The following NFIA variants were observed in gnomAD, a reference collection of about 807,000 sequenced individuals.
NFIA encodes the protein nuclear factor I A.
A neutral mutation model predicts 62.8 loss-of-function variants in NFIA; 8 were observed. The ratio of observed to expected loss-of-function variants is 0.13; its 90% CI spans 0.07 to 0.23. The LOEUF (loss-of-function observed/expected upper bound fraction) is 0.23. Among genes scored for constraint, NFIA ranks in the 10% least tolerant of loss-of-function variants. The pLI is 1.00. For synonymous variants in NFIA, 235 were observed against 238.1 expected (o/e 0.99, Z 0.12); for missense variants, 410 against 642.1 (o/e 0.64, Z 3.91).
intron 2 of NFIA, 85 bp from the exon 3 acceptor site, chr1:61,277,435 T>A (rs1657872397): frequency 1.6e-6 from 2 of 1,262,172 alleles, no homozygotes; most frequent in Non-Finnish European, 2.3e-6. Context: ...GTTTATAGGT[T>A]GAACCTTTTG....
chr1:61,082,563 G>A lies in NFIA; in HGVS notation c.-229G>A, dbSNP rs1362645285. The A allele has an allele frequency of 4.8e-6, 7 of 1,460,736 alleles. No individual in the cohort carries two copies. Among genetic ancestry groups the A allele is most frequent in the Non-Finnish European group, 6.3e-6 (7 of 1,102,376 alleles). The allele number at this position is 1,460,736 out of a possible 1,614,324, so 90.5% of individuals were successfully genotyped here. On this transcript the variant is annotated 5_prime_UTR_variant, in exon 1 of 11. Coordinates refer to ENST00000403491, the MANE Select transcript of NFIA (RefSeq NM_001134673.4). ...TGGAGTGTAGGGAAACTCTAGGCGGGGTTAAAGTTCAGCTCATGGAGCGGC... is the reference window on the plus strand; with the variant it reads ...TGGAGTGTAGGGAAACTCTAGGCGGAGTTAAAGTTCAGCTCATGGAGCGGC...
chr1:61,449,495 C>T (rs915203121), intron 10 of NFIA, among the ~76,000 whole-genome samples: 4 of 152,228 alleles, frequency 2.6e-5, no homozygotes, highest in Non-Finnish European at 5.9e-5. Flanking sequence ...CCAAGAAAGA[C>T]CCCTCTGAAG....
At chr1:61,243,509 A>G (rs929678258) in intron 2 of NFIA, among the ~76,000 whole-genome samples, 1 of 152,222 alleles carries the variant, frequency 6.6e-6, no homozygotes, top group Non-Finnish European at 1.5e-5. Flanking sequence ...AAATCTTCAG[A>G]TTAAGAATGT....
intron 2 of NFIA, among the ~76,000 whole-genome samples, chr1:61,148,573 A>G (rs1168489750): frequency 6.6e-6 from 1 of 152,184 alleles, no homozygotes; most frequent in African/African-American, 2.4e-5. Context: ...CACCGTTGAA[A>G]GCTGCATATC....
chr1:61,174,964 G>C (rs1358189492), intron 2 of NFIA, among the ~76,000 whole-genome samples: 1 of 151,990 alleles, frequency 6.6e-6, no homozygotes, highest in Non-Finnish European at 1.5e-5. Flanking sequence ...GCTAGAACAT[G>C]CTTAGATTTT....
chr1:61,182,733 G>GT (rs1198335435), intron 2 of NFIA, among the ~76,000 whole-genome samples: 1 of 152,128 alleles, frequency 6.6e-6, no homozygotes, highest in Non-Finnish European at 1.5e-5. Context: ...ATTCCCCGAA[G>GT]TTTTTGTCCA....
chr1:61,296,705 G>A lies in NFIA; in HGVS notation c.625+19120G>A, dbSNP rs145821225. Among the ~76,000 whole-genome samples the A allele has an allele frequency of 2.6e-3, 393 of 151,964 alleles. 3 individuals carry two copies. The highest frequency in any genetic ancestry group is 4.1e-3 in the Non-Finnish European group (282 of 67,974). ...TTTGAGCCTCGATTTCTACCCCCTC[G>A]TCATAGTCCTTACCCACCTGTAACT... On this transcript the variant is annotated intron_variant, in intron 3 of 10. Transcript: ENST00000403491.
intron 3 of NFIA, among the ~76,000 whole-genome samples, chr1:61,317,929 C>A (rs1315315343): frequency 1.3e-5 from 2 of 152,060 alleles, no homozygotes; most frequent in Non-Finnish European, 2.9e-5. Context: ...TCATTAGTGT[C>A]ATTTTACAGG....
At chr1:61,421,602 C>T (rs746848751) in intron 9 of NFIA, among the ~76,000 whole-genome samples, 11 of 152,132 alleles carry the variant, frequency 7.2e-5, no homozygotes, top group African/African-American at 1.9e-4. Flanking sequence ...CTCACCCTGC[C>T]GTATCTTTTC....
At chr1:61,107,363 T>C (rs1403092362) in intron 2 of NFIA, among the ~76,000 whole-genome samples, 1 of 151,764 alleles carries the variant, frequency 6.6e-6, no homozygotes, top group Non-Finnish European at 1.5e-5. Flanking sequence ...TTTTTCTTTT[T>C]GCCAATCTTG....
intron 7 of NFIA, among the ~76,000 whole-genome samples, chr1:61,385,308 G>A (rs568452172): frequency 3.9e-4 from 60 of 152,256 alleles, no homozygotes; most frequent in Middle Eastern, 3.4e-3. Flanking sequence ...ATAAATGGAG[G>A]GCCATCCTAA....
intron 2 of NFIA, among the ~76,000 whole-genome samples, chr1:61,198,946 T>C (rs1485903051): frequency 6.6e-6 from 1 of 152,194 alleles, no homozygotes; most frequent in Admixed American, 6.5e-5. Flanking sequence ...TCTGAAGTAT[T>C]ATGTTTGCCA....
intron 2 of NFIA, among the ~76,000 whole-genome samples, chr1:61,223,202 T>C (rs1307133654): frequency 1.3e-5 from 2 of 152,212 alleles, no homozygotes; most frequent in East Asian, 3.9e-4. Flanking sequence ...TTAAAGAACA[T>C]TTTCTTTAGG....
chr1:61,110,179 T>C (rs928022391), intron 2 of NFIA, among the ~76,000 whole-genome samples: 1 of 151,898 alleles, frequency 6.6e-6, no homozygotes, highest in Non-Finnish European at 1.5e-5. Flanking sequence ...CTCTGCCTGG[T>C]GCTGACACAG....
chr1:61,336,167 C>T (rs1661595127), intron 4 of NFIA, among the ~76,000 whole-genome samples: 1 of 152,064 alleles, frequency 6.6e-6, no homozygotes, highest in Admixed American at 6.5e-5. Flanking sequence ...CATTATAGAA[C>T]TAAATAGAAT....
chr1:61,368,281 C>T (rs969557484), intron 6 of NFIA, among the ~76,000 whole-genome samples: 4 of 152,182 alleles, frequency 2.6e-5, no homozygotes, highest in African/African-American at 9.7e-5. Context: ...ATCCTCAGTA[C>T]AGCCCCCGTG....
chr1:61,361,073 G>C (rs1033256061), intron 6 of NFIA, among the ~76,000 whole-genome samples: 1 of 152,100 alleles, frequency 6.6e-6, no homozygotes, highest in African/African-American at 2.4e-5. Flanking sequence ...CACATAAGCA[G>C]ATCATTATAC....
At chr1:61,137,650 A>AT (rs1254309012) in intron 2 of NFIA, among the ~76,000 whole-genome samples, 1 of 152,068 alleles carries the variant, frequency 6.6e-6, no homozygotes, top group Non-Finnish European at 1.5e-5. Flanking sequence ...GGGCGTTAGC[A>AT]TTTTTTAAAG....
At chr1:61,344,763 C>G (rs1662123131) in intron 4 of NFIA, among the ~76,000 whole-genome samples, 2 of 152,216 alleles carry the variant, frequency 1.3e-5, no homozygotes, top group South Asian at 4.1e-4. Flanking sequence ...TTCGTTAATG[C>G]TCCCTGCTGA....
Sources: allele counts gnomAD v4.1 joint callset (sites outside exome capture counted in the v4.1 genomes callset), GRCh38; gene constraint gnomAD v4.1.1; transcripts MANE v1.5; gene names NCBI Gene and HGNC (gene_info 2026-07-23, HGNC 2026-07-21).